ANKS1B: variants seen among roughly 807,000 people sequenced by gnomAD.
ANKS1B encodes the protein ankyrin repeat and sterile alpha motif domain containing 1B.
A neutral mutation model predicts 148.3 loss-of-function variants in ANKS1B; 36 were observed. The ratio of observed to expected loss-of-function variants is 0.24; its 90% confidence interval spans 0.19 to 0.32. The LOEUF (loss-of-function observed/expected upper bound fraction) is 0.32, where lower values mean the gene tolerates loss of function less well. ANKS1B is among the 10% of genes least tolerant of loss of function. The probability of loss-of-function intolerance (pLI) is 1.00; values close to 1 mark genes in which losing one functional copy is unlikely to be tolerated. For synonymous variants in ANKS1B, 542 were observed against 560.8 expected (o/e 0.97, Z 0.47); for missense variants, 1,157 against 1,542.6 (o/e 0.75, Z 4.19).
chr12:98,768,535 C>T (rs1472073346), intron 25 of ANKS1B, among the ~76,000 whole-genome samples: 1 of 150,076 alleles, frequency 6.7e-6, no homozygotes, highest in Non-Finnish European at 1.5e-5. Flanking sequence ...GAGATCGGGA[C>T]CATCTTGGCT....
chr12:99,112,965 A>C (rs138068272), intron 15 of ANKS1B, among the ~76,000 whole-genome samples: 67 of 152,368 alleles, frequency 4.4e-4, no homozygotes, highest in African/African-American at 1.6e-3. Context: ...CAAAGGGCTC[A>C]CAGATAATGC....
intron 9 of ANKS1B, among the ~76,000 whole-genome samples, chr12:99,628,907 T>C (rs935570181): frequency 1.3e-5 from 2 of 152,312 alleles, no homozygotes; most frequent in Non-Finnish European, 2.9e-5. Flanking sequence ...TAATACTTAA[T>C]GGGTAGGACA....
At chr12:99,721,069 A>C (rs1233075887) in intron 8 of ANKS1B, among the ~76,000 whole-genome samples, 2 of 152,260 alleles carry the variant, frequency 1.3e-5, no homozygotes, top group East Asian at 3.9e-4. Context: ...AATTCATACA[A>C]AACTATATCC....
chr12:99,367,388 A>G (rs1235132088), intron 12 of ANKS1B, among the ~76,000 whole-genome samples: 2 of 152,228 alleles, frequency 1.3e-5, no homozygotes, highest in Non-Finnish European at 2.9e-5. Context: ...ATTGGCACAC[A>G]TCCAAACATT....
intron 17 of ANKS1B, among the ~76,000 whole-genome samples, chr12:98,949,566 A>G (rs2099851034): frequency 6.6e-6 from 1 of 152,178 alleles, no homozygotes; most frequent in Non-Finnish European, 1.5e-5. Flanking sequence ...GGAATGTAAA[A>G]ATGAAAGATC....
intron 8 of ANKS1B, among the ~76,000 whole-genome samples, chr12:99,678,303 TCTC>T (rs1334186191): frequency 1.3e-5 from 2 of 152,160 alleles, no homozygotes; most frequent in African/African-American, 4.8e-5. Flanking sequence ...CTCTATTCCT[TCTC>T]CTTCCTAAGT....
At position 99,755,074 on chromosome 12, in the gene ANKS1B, A is replaced by T. The variant is rs1027143893; in HGVS notation, c.1128+17848T>A. Among the ~76,000 whole-genome samples the T allele has an allele frequency of 3.5e-4, 17 of 49,014 alleles. No individual in the cohort carries two copies. In the East Asian group the frequency reaches 4.1e-3, roughly 12 times the overall value. 32.2% of individuals were successfully genotyped at this position (49,014 alleles called of 152,430 possible). ...AACAAATCCAGGAGCTGCTTTTTAA[A>T]AAAAAAAATTAATAACATAGAACAA... is the stretch of plus-strand genomic sequence containing the variant. On this transcript the variant is annotated intron_variant, in intron 8 of 26. Coordinates refer to ENST00000683438, the MANE Select transcript of ANKS1B (RefSeq NM_001352186.2).
At chr12:98,955,226 AT>A (rs2153097636) in intron 17 of ANKS1B, among the ~76,000 whole-genome samples, 1 of 152,348 alleles carries the variant, frequency 6.6e-6, no homozygotes, top group South Asian at 2.1e-4. Flanking sequence ...ATACTTTAAA[AT>A]AAAAAGCCAG....
intron 9 of ANKS1B, among the ~76,000 whole-genome samples, chr12:99,592,747 C>T (rs992401528): frequency 2.0e-5 from 3 of 152,040 alleles, no homozygotes; most frequent in Non-Finnish European, 4.4e-5. Flanking sequence ...TGGCCCATGA[C>T]ACAGCTCTCA....
intron 1 of ANKS1B, among the ~76,000 whole-genome samples, chr12:99,862,995 C>T (rs1603384741): frequency 6.6e-6 from 1 of 152,222 alleles, no homozygotes; most frequent in Non-Finnish European, 1.5e-5. Context: ...TACAGCAACT[C>T]TATCCCTAGA....
intron 14 of ANKS1B, among the ~76,000 whole-genome samples, chr12:99,244,114 C>G (rs1438677236): frequency 6.6e-6 from 1 of 151,546 alleles, no homozygotes; most frequent in African/African-American, 2.4e-5. Flanking sequence ...AAAAACTTCA[C>G]TGGCATAGTA....
intron 15 of ANKS1B, among the ~76,000 whole-genome samples, chr12:99,090,161 G>A (rs1303293135): frequency 6.6e-6 from 1 of 152,128 alleles, no homozygotes; most frequent in Non-Finnish European, 1.5e-5. Flanking sequence ...GCAGTGTTTT[G>A]TATTTAATTA....
intron 14 of ANKS1B, among the ~76,000 whole-genome samples, chr12:99,158,190 T>C (rs1437087486): frequency 2.0e-5 from 3 of 152,192 alleles, no homozygotes; most frequent in Non-Finnish European, 4.4e-5. Flanking sequence ...AAGATCACTC[T>C]GTAACAGTGC....
intron 17 of ANKS1B, among the ~76,000 whole-genome samples, chr12:99,002,401 G>A (rs921336713): frequency 7.2e-5 from 11 of 151,970 alleles, no homozygotes; most frequent in South Asian, 4.2e-4. Flanking sequence ...TATTTACAGC[G>A]TACAACATGG....
intron 15 of ANKS1B, among the ~76,000 whole-genome samples, chr12:99,135,900 A>G (rs2067877590): frequency 6.6e-6 from 1 of 152,092 alleles, no homozygotes; most frequent in African/African-American, 2.4e-5. Flanking sequence ...GGACAGGAAG[A>G]CTAAGGATTA....
chr12:99,359,931 A>G (rs951853309), intron 12 of ANKS1B, among the ~76,000 whole-genome samples: 1 of 152,188 alleles, frequency 6.6e-6, no homozygotes, highest in Non-Finnish European at 1.5e-5. Flanking sequence ...AAGTGTTAAT[A>G]GTATTTCATT....
chr12:99,929,395 T>G (rs534631864), intron 1 of ANKS1B, among the ~76,000 whole-genome samples: 42 of 152,358 alleles, frequency 2.8e-4, no homozygotes, highest in African/African-American at 9.9e-4. Flanking sequence ...TTCTGGATAT[T>G]AGCCCTTTGT....
chr12:99,091,708 G>A (rs1047909409), intron 15 of ANKS1B, among the ~76,000 whole-genome samples: 1 of 152,266 alleles, frequency 6.6e-6, no homozygotes, highest in Non-Finnish European at 1.5e-5. Context: ...ATAGCAGTTG[G>A]TGTTCATTAG....
chr12:99,436,916 G>C (rs546519750), intron 11 of ANKS1B, among the ~76,000 whole-genome samples: 1 of 151,694 alleles, frequency 6.6e-6, no homozygotes, highest in East Asian at 1.9e-4. Context: ...GCTTCTTTTT[G>C]CTATGGTCCC....
Sources: allele counts gnomAD v4.1 joint callset (sites outside exome capture counted in the v4.1 genomes callset), GRCh38; gene constraint gnomAD v4.1.1; transcripts MANE v1.5; gene names NCBI Gene and HGNC (gene_info 2026-07-23, HGNC 2026-07-21).